Variants in TNNI3K observed in about 807,000 individuals in gnomAD.
TNNI3K encodes TNNI3 interacting kinase.
TNNI3K carries 140 observed loss-of-function variants against 114.5 expected under a neutral mutation model. The observed-to-expected ratio is 1.22, with a 90% confidence interval of 1.07 to 1.41. TNNI3K has a LOEUF of 1.41. Ranked by LOEUF, TNNI3K falls within the 40% of genes most tolerant of loss-of-function variation. The probability of loss-of-function intolerance (pLI) is 0.00; values close to 1 mark genes in which losing one functional copy is unlikely to be tolerated. For missense variants in TNNI3K, 1,125 were observed against 1,007.6 expected, an observed-to-expected ratio of 1.12 and a Z score of -1.58; for synonymous variants, 347 against 347.5, an observed-to-expected ratio of 1.00 and a Z score of 0.02.
chr1:74,362,901 A>G (rs1164112901), intron 11 of TNNI3K, among the ~76,000 whole-genome samples: 1 of 152,106 alleles, frequency 6.6e-6, no homozygotes, highest in African/African-American at 2.4e-5. Context: ...GAAGAATCAC[A>G]TTTGCCAAAA....
intron 11 of TNNI3K, among the ~76,000 whole-genome samples, chr1:74,355,604 A>AAAATAAATAAATAAAT (rs45582636): frequency 2.2e-4 from 33 of 151,608 alleles, no homozygotes; most frequent in African/African-American, 7.8e-4. Context: ...CTCCGTCTCA[A>AAAATAAATAAATAAAT]AAATAAATAA....
intron 17 of TNNI3K, among the ~76,000 whole-genome samples, chr1:74,388,477 T>C (rs972525474): frequency 2.6e-5 from 4 of 152,102 alleles, no homozygotes; most frequent in Non-Finnish European, 5.9e-5. Context: ...ATTAAAAATA[T>C]ACCTTTTAAC....
chr1:74,432,475 C>T (rs770407230), intron 17 of TNNI3K, among the ~76,000 whole-genome samples: 12 of 151,992 alleles, frequency 7.9e-5, no homozygotes, highest in Admixed American at 1.3e-4. Flanking sequence ...TGATTGTCTC[C>T]CTGGTGTTGA....
Position 74,235,442 on chromosome 1 carries a change from C to G in TNNI3K, c.-10C>G, listed in dbSNP as rs1653788739. 1 of 1,514,750 alleles carries G rather than the reference C, an allele frequency of 6.6e-7. No individual in the cohort carries two copies. The highest frequency in any genetic ancestry group is 1.4e-5 in the African/African-American group (1 of 70,960). The allele number at this position is 1,514,750 out of a possible 1,614,324, so 93.8% of individuals were successfully genotyped here. ...GAACTGCCCTGGAGAAAGGAAGAAA[C>G]TTATAATAAATGGGAAATTATAAAT... is the stretch of plus-strand genomic sequence containing the variant. On this transcript the variant is annotated 5_prime_UTR_variant, in exon 1 of 25. Coordinates refer to ENST00000326637, the MANE Select transcript of TNNI3K (RefSeq NM_015978.3).
intron 24 of TNNI3K, among the ~76,000 whole-genome samples, chr1:74,542,751 GC>G (rs1292101445): frequency 3.9e-5 from 6 of 152,342 alleles, no homozygotes; most frequent in Middle Eastern, 3.4e-3. Flanking sequence ...AGCAAAAGCA[GC>G]AATAGCTATT....
intron 17 of TNNI3K, among the ~76,000 whole-genome samples, chr1:74,393,367 A>G (rs1372477596): frequency 6.6e-6 from 1 of 152,270 alleles, no homozygotes; most frequent in East Asian, 1.9e-4. Flanking sequence ...TATAATTTAA[A>G]AAAAAGGAGA....
At chr1:74,443,842 A>C (rs898450367) in intron 20 of TNNI3K, among the ~76,000 whole-genome samples, 1 of 152,240 alleles carries the variant, frequency 6.6e-6, no homozygotes, top group Non-Finnish European at 1.5e-5. Flanking sequence ...CCACGATGTA[A>C]GGCTGGTTCA....
rs535506596 is a variant in TNNI3K, at chr1:74,363,444, G to T, written c.1178-3812G>T. ...GCACTCATTAGGCTCTTGATGAAAA[G>T]CATCCCAAAGAAAATGCCAGCAAAT... On this transcript the variant is annotated intron_variant, in intron 11 of 24. Transcript: ENST00000326637. Among the ~76,000 whole-genome samples the T allele has an allele frequency of 9.2e-5, 14 of 152,156 alleles. No individual in the cohort carries two copies. The South Asian group carries it at 2.7e-3, about 29-fold the overall frequency.
intron 21 of TNNI3K, chr1:74,483,497 C>A: frequency 1.9e-6 from 1 of 523,906 alleles, no homozygotes; most frequent in Admixed American, 3.2e-5. Context: ...TCTTGGTGTT[C>A]TCTTAAGATG....
At chr1:74,520,006 ATT>A (rs917208830) in intron 23 of TNNI3K, among the ~76,000 whole-genome samples, 118 of 152,062 alleles carry the variant, frequency 7.8e-4, no homozygotes, top group African/African-American at 2.4e-3. Flanking sequence ...TATGTATTTA[ATT>A]TTTTATTTCC....
intron 11 of TNNI3K, among the ~76,000 whole-genome samples, chr1:74,358,716 C>T (rs578243924): frequency 3.3e-5 from 5 of 151,726 alleles, no homozygotes; most frequent in African/African-American, 7.2e-5. Context: ...TTTTTGTTTT[C>T]GTATACTGGT....
chr1:74,522,415 T>C (rs1325152999), intron 23 of TNNI3K, among the ~76,000 whole-genome samples: 2 of 152,116 alleles, frequency 1.3e-5, no homozygotes, highest in African/African-American at 4.8e-5. Flanking sequence ...CCTTTCAGCT[T>C]GGTGTCTCAT....
chr1:74,443,786 C>T (rs887741870), intron 20 of TNNI3K, among the ~76,000 whole-genome samples: 4 of 152,216 alleles, frequency 2.6e-5, no homozygotes, highest in African/African-American at 4.8e-5. Context: ...CCAAATCCAG[C>T]GGCACATCAA....
intron 23 of TNNI3K, among the ~76,000 whole-genome samples, chr1:74,527,740 AC>A (rs569728545): frequency 6.6e-6 from 1 of 152,184 alleles, no homozygotes; most frequent in Non-Finnish European, 1.5e-5. Flanking sequence ...TAAAAATTTC[AC>A]CATTGTTACT....
intron 20 of TNNI3K, among the ~76,000 whole-genome samples, chr1:74,443,737 G>C (rs1201880970): frequency 6.6e-6 from 1 of 152,160 alleles, no homozygotes; most frequent in Non-Finnish European, 1.5e-5. Context: ...TATCCCTCAT[G>C]AATATTGATG....
intron 5 of TNNI3K, among the ~76,000 whole-genome samples, chr1:74,290,037 T>C (rs1657581497): frequency 6.6e-6 from 1 of 151,712 alleles, no homozygotes; most frequent in African/African-American, 2.4e-5. Context: ...TGCTTCTAAC[T>C]TTTCTGGGCA....
In TNNI3K at chr1:74,367,356, T is replaced by A. The variant is rs1662330256; in HGVS notation, c.1264+14T>A. 1 of 1,610,744 alleles carries A rather than the reference T, an allele frequency of 6.2e-7. No individual in the cohort carries two copies. Among genetic ancestry groups the A allele is most frequent in the African/African-American group, 1.3e-5 (1 of 74,722 alleles). Reference sequence around the variant, plus strand: ...AGCCTGGAGGAGGTACCCCTTTTCTTATTCAGTTTTCATTATTGTATAATA... The same window carrying A: ...AGCCTGGAGGAGGTACCCCTTTTCTAATTCAGTTTTCATTATTGTATAATA... On this transcript the variant is annotated intron_variant, in intron 12 of 24. Coordinates refer to ENST00000326637, the MANE Select transcript of TNNI3K (RefSeq NM_015978.3).
chr1:74,369,773 A>G, intron 16 of TNNI3K, 188 bp downstream of exon 16: 1 of 622,960 alleles, frequency 1.6e-6, no homozygotes, highest in Non-Finnish European at 2.3e-6. Context: ...GAAATACTTT[A>G]TGCTTTCTTA....
At chr1:74,424,813 A>G (rs1665556870) in intron 17 of TNNI3K, among the ~76,000 whole-genome samples, 1 of 151,998 alleles carries the variant, frequency 6.6e-6, no homozygotes, top group Non-Finnish European at 1.5e-5. Flanking sequence ...TTGATTATTC[A>G]CAACCATAAT....
Sources: gnomAD v4.1 joint callset for allele counts (sites outside exome capture counted in the v4.1 genomes callset) on GRCh38, gnomAD v4.1.1 for gene constraint, MANE v1.5 for transcripts, NCBI Gene and HGNC (gene_info 2026-07-23, HGNC 2026-07-21) for gene names.